Variants in CDS1 observed in about 807,000 individuals in gnomAD.
CDS1 encodes the protein phosphatidate cytidylyltransferase 1.
In CDS1, 41 loss-of-function variants were observed where a neutral mutation model predicts 62.1. The ratio of observed to expected loss-of-function variants is 0.66; its 90% CI spans 0.51 to 0.86. CDS1 has a LOEUF of 0.86. Ranked by LOEUF, CDS1 falls within the 40% of genes least tolerant of loss-of-function variation. The pLI, the probability that CDS1 is intolerant of heterozygous loss-of-function variation, is 0.00. For synonymous variants in CDS1, 185 were observed against 192.6 expected (o/e 0.96, Z 0.32); for missense variants, 470 against 550.1 (o/e 0.85, Z 1.46).
chr4:84,591,631 C>T (rs1032302651), intron 1 of CDS1, among the ~76,000 whole-genome samples: 1 of 152,030 alleles, frequency 6.6e-6, no homozygotes, highest in Admixed American at 6.5e-5. Context: ...TACTTAATAT[C>T]AATTTTAGTC....
chr4:84,609,061 C>T (rs1490737202), intron 2 of CDS1, among the ~76,000 whole-genome samples: 2 of 151,694 alleles, frequency 1.3e-5, no homozygotes, highest in East Asian at 3.9e-4. Context: ...CACCTGTGGT[C>T]CCAGCTACTC....
chr4:84,592,631 C>CT (rs1326300096), intron 1 of CDS1, among the ~76,000 whole-genome samples: 1 of 152,134 alleles, frequency 6.6e-6, no homozygotes, highest in Non-Finnish European at 1.5e-5. Context: ...AGATTTTAAA[C>CT]TTTTAAAATA....
chr4:84,588,488 G>T (rs895313308), intron 1 of CDS1, among the ~76,000 whole-genome samples: 1 of 152,142 alleles, frequency 6.6e-6, no homozygotes, highest in Admixed American at 6.5e-5. Context: ...ACACAGAGCC[G>T]GCTAAACAGG....
intron 5 of CDS1, among the ~76,000 whole-genome samples, chr4:84,629,307 C>T (rs1442467885): frequency 6.7e-6 from 1 of 149,722 alleles, no homozygotes; most frequent in Non-Finnish European, 1.5e-5. Flanking sequence ...CTCCTATATC[C>T]ATGGGTTTTG....
At chr4:84,585,236 C>G (rs1455705730) in intron 1 of CDS1, among the ~76,000 whole-genome samples, 1 of 152,116 alleles carries the variant, frequency 6.6e-6, no homozygotes, top group Non-Finnish European at 1.5e-5. Flanking sequence ...CAATGCAGTA[C>G]TGTTGGTTTT....
At chr4:84,586,224 G>A (rs1169685045) in intron 1 of CDS1, among the ~76,000 whole-genome samples, 2 of 152,090 alleles carry the variant, frequency 1.3e-5, no homozygotes, top group Middle Eastern at 3.2e-3. Flanking sequence ...TTTTTTCCAC[G>A]GATGGGTTGG....
chr4:84,600,378 A>G (rs1345357895), intron 1 of CDS1, among the ~76,000 whole-genome samples: 1 of 152,086 alleles, frequency 6.6e-6, no homozygotes, highest in Non-Finnish European at 1.5e-5. Context: ...TATATTTATC[A>G]TTTTTTTGGA....
chr4:84,620,638 C>T (rs1723654964), intron 5 of CDS1, among the ~76,000 whole-genome samples: 1 of 152,108 alleles, frequency 6.6e-6, no homozygotes, highest in Non-Finnish European at 1.5e-5. Flanking sequence ...TTAGAATTTA[C>T]AGATATCTTT....
At chr4:84,593,022 A>G (rs1722638677) in intron 1 of CDS1, among the ~76,000 whole-genome samples, 1 of 152,204 alleles carries the variant, frequency 6.6e-6, no homozygotes, top group African/African-American at 2.4e-5. Flanking sequence ...ATCTCAATAT[A>G]TAAAAATCCA....
chr4:84,586,301 A>G (rs1722418328), intron 1 of CDS1, among the ~76,000 whole-genome samples: 1 of 152,144 alleles, frequency 6.6e-6, no homozygotes, highest in African/African-American at 2.4e-5. Context: ...TTATTATTAC[A>G]TTGTAATATA....
At chr4:84,589,366 G>T (rs1722512395) in intron 1 of CDS1, among the ~76,000 whole-genome samples, 1 of 152,094 alleles carries the variant, frequency 6.6e-6, no homozygotes, top group Non-Finnish European at 1.5e-5. Flanking sequence ...AAGCCTTATT[G>T]TGTTTTTGTA....
intron 3 of CDS1, among the ~76,000 whole-genome samples, chr4:84,615,338 C>A (rs1723455022): frequency 6.6e-6 from 1 of 152,020 alleles, no homozygotes. Context: ...TTGTCACCGC[C>A]CCAGCCCACT....
intron 1 of CDS1, among the ~76,000 whole-genome samples, chr4:84,588,012 A>G (rs906041023): frequency 2.0e-5 from 3 of 152,212 alleles, no homozygotes; most frequent in African/African-American, 7.2e-5. Context: ...CTACCTCACA[A>G]AAGACAGCTT....
In CDS1 at chr4:84,583,256, A is replaced by G. The variant is rs909873470; in HGVS notation, c.-146A>G. 65 of 583,680 alleles carry G rather than the reference A, an allele frequency of 1.1e-4. No individual in the cohort carries two copies. The highest frequency in any genetic ancestry group is 9.4e-4 in the South Asian group (45 of 48,106). 36.2% of individuals were successfully genotyped at this position (583,680 alleles called of 1,614,324 possible). A position where few individuals can be genotyped will look rare whatever the true frequency, so the allele number is the denominator to read the frequency against. On this transcript the variant is annotated 5_prime_UTR_variant, in exon 1 of 13. It removes an upstream start codon present in the reference 5' UTR. Coordinates refer to ENST00000295887, the MANE Select transcript of CDS1 (RefSeq NM_001263.4). ...AGGTGACCGGCGCGGCGGCCGCTCT[A>G]TGGTGGGGCCGCGTTAGTGGCTGCG...
chr4:84,639,896 A>G (rs1176138178), intron 9 of CDS1, among the ~76,000 whole-genome samples: 1 of 152,012 alleles, frequency 6.6e-6, no homozygotes, highest in Non-Finnish European at 1.5e-5. Context: ...ATAATAATGG[A>G]CAGATAGAAG....
intron 5 of CDS1, among the ~76,000 whole-genome samples, chr4:84,630,535 T>C (rs1723987484): frequency 6.6e-6 from 1 of 152,238 alleles, no homozygotes; most frequent in South Asian, 2.1e-4. Context: ...TTGTTTACTC[T>C]ACTGGTAGAA....
chr4:84,634,002 T>C (rs1019298713), intron 7 of CDS1, 63 bp downstream of exon 7: 3 of 887,230 alleles, frequency 3.4e-6, no homozygotes, highest in African/African-American at 1.7e-5. Flanking sequence ...TTCTTTAACG[T>C]TGGATAGTGT....
At chr4:84,587,312 A>T (rs1250461902) in intron 1 of CDS1, among the ~76,000 whole-genome samples, 1 of 152,238 alleles carries the variant, frequency 6.6e-6, no homozygotes, top group Non-Finnish European at 1.5e-5. Flanking sequence ...ATAATTCTGT[A>T]TAGTTTTATA....
In CDS1 at chr4:84,643,027, A is replaced by G. The variant is rs765196172; in HGVS notation, c.1036A>G (p.Arg346Gly). Residue 346 changes from arginine (R) to glycine (G), a missense_variant, in exon 11 of 13, where the codon AGA becomes GGA. Transcript: ENST00000295887. The part of the protein sequence containing the change: ...PFLKAVLRQE[R>G]VSLYPFQIHS... ...TCCCCTTCTTTCTCCTCTTTAGGAA[A>G]GAGTGAGCTTGTACCCTTTCCAGAT... is the stretch of plus-strand genomic sequence containing the variant. The G allele has an allele frequency of 5.6e-6, 9 of 1,593,660 alleles. No individual in the cohort carries two copies. The African/African-American group carries it at 8.0e-5, about 14-fold the overall frequency.
Sources: gnomAD v4.1 joint callset for allele counts (sites outside exome capture counted in the v4.1 genomes callset) on GRCh38, gnomAD v4.1.1 for gene constraint, MANE v1.5 for transcripts, NCBI Gene and HGNC (gene_info 2026-07-23, HGNC 2026-07-21) for gene names.